Variants in KIF27 observed in about 807,000 individuals in gnomAD.
KIF27 encodes kinesin-like protein KIF27.
A neutral mutation model predicts 141.8 loss-of-function variants in KIF27; 84 were observed. That is an observed-to-expected ratio of 0.59 (90% CI 0.50 to 0.71). The LOEUF is 0.71. Ranked by LOEUF, KIF27 falls within the 30% of genes least tolerant of loss-of-function variation. The pLI is 0.00. For synonymous variants in KIF27, 471 were observed against 569.5 expected, an observed-to-expected ratio of 0.83 and a Z score of 2.46; for missense variants, 1,306 against 1,628.4, an observed-to-expected ratio of 0.80 and a Z score of 3.41.
At chr9:83,893,716 G>A (rs955169464) in intron 5 of KIF27, among the ~76,000 whole-genome samples, 1 of 151,884 alleles carries the variant, frequency 6.6e-6, no homozygotes, top group African/African-American at 2.4e-5. Flanking sequence ...ATAGCAGGAG[G>A]TTACCCCAAA....
chr9:83,908,758 CTTTTT>C, intron 2 of KIF27, 106 bp from the exon 3 acceptor site: 1 of 461,608 alleles, frequency 2.2e-6, no homozygotes, highest in Non-Finnish European at 3.5e-6. Flanking sequence ...TATATTATAA[CTTTTT>C]TTTTTTTTGG....
In KIF27 at chr9:83,875,137, G is replaced by T. The variant is rs569777118; in HGVS notation, c.2644-4505C>A. 2.0e-5 allele frequency among the ~76,000 whole-genome samples: 3 copies of T among 152,174 alleles called. No homozygotes were observed. In the East Asian group the frequency reaches 5.8e-4, roughly 29 times the overall value. ...GTTAAAACCCAAAGACCACAACACT[G>T]AACAGCCTGGCCTGATCTTCACATT... is the stretch of plus-strand genomic sequence containing the variant. On this transcript the variant is annotated intron_variant, in intron 11 of 17. Transcript: ENST00000297814.
chr9:83,854,030 AACAC>A (rs927437536), intron 14 of KIF27, among the ~76,000 whole-genome samples, 195 bp from the exon 15 acceptor site: 5 of 152,274 alleles, frequency 3.3e-5, no homozygotes, highest in African/African-American at 7.2e-5. Flanking sequence ...CACACACATA[AACAC>A]ACACACACAA....
intron 1 of KIF27, among the ~76,000 whole-genome samples, chr9:83,917,827 A>G (rs1401968555): frequency 6.6e-6 from 1 of 152,218 alleles, no homozygotes; most frequent in East Asian, 1.9e-4. Flanking sequence ...AAACATAAGA[A>G]GTAAAACTAC....
chr9:83,920,872 C>T (rs1052209428), intron 1 of KIF27, among the ~76,000 whole-genome samples: 2 of 151,036 alleles, frequency 1.3e-5, no homozygotes, highest in Non-Finnish European at 3.0e-5. Context: ...GTGGGAAATG[C>T]GCCCAAGTTT....
intron 4 of KIF27, among the ~76,000 whole-genome samples, chr9:83,900,948 G>A (rs2132531773): frequency 6.6e-6 from 1 of 151,636 alleles, no homozygotes; most frequent in South Asian, 2.1e-4. Flanking sequence ...CTGTTTTTAT[G>A]CTATTATTTA....
chr9:83,907,854 C>G (rs998898352), intron 3 of KIF27, among the ~76,000 whole-genome samples: 1 of 152,212 alleles, frequency 6.6e-6, no homozygotes, highest in Non-Finnish European at 1.5e-5. Context: ...ATATCACAGT[C>G]TCATCTGAAG....
chr9:83,903,357 C>T lies in KIF27; in HGVS notation c.1161G>A (p.Gly387=), dbSNP rs748622441. The T allele has an allele frequency of 2.5e-6, 4 of 1,614,136 alleles. No individual in the cohort carries two copies. The highest frequency in any genetic ancestry group is 3.4e-6 in the Non-Finnish European group (4 of 1,180,018). The part of the protein sequence containing the change: ...VSQTTQINRE[G]SPDTNRIHSL... The stretch of plus-strand genomic sequence containing the variant: ...AATGAATCCTATTTGTATCAGGACT[C>T]CCTTCTCGATTGATCTGGGTAGTTT... The change falls in exon 4 of 18, where the codon GGG becomes GGA. Residue 387 remains glycine, a synonymous_variant. Coordinates refer to ENST00000297814, the MANE Select transcript of KIF27 (RefSeq NM_017576.4).
Position 83,899,668 on chromosome 9 carries a change from C to T in KIF27, c.1595G>A (p.Arg532Lys), listed in dbSNP as rs147660786. 4.8e-5 allele frequency: 78 copies of T among 1,613,182 alleles called. No individual in the cohort carries two copies. The highest frequency in any genetic ancestry group is 6.4e-5 in the Non-Finnish European group (75 of 1,179,466). ...VSLKEAQKVN[R>K]LQNEKIIEQQ... Reference sequence around the variant, plus strand: ...GATGCATTAAGAAACTACCTGCAGTCTATTCACTTTTTGCGCTTCTTTCAA... The same window carrying T: ...GATGCATTAAGAAACTACCTGCAGTTTATTCACTTTTTGCGCTTCTTTCAA... Residue 532 changes from arginine (R) to lysine (K), a missense_variant, in exon 5 of 18, where the codon AGA (arginine) becomes AAA (lysine). Around this residue, in one of 4 missense-constraint regions of KIF27, gnomAD observed 596 missense variants for 751.6 expected, o/e 0.79. Coordinates refer to ENST00000297814, the MANE Select transcript of KIF27 (RefSeq NM_017576.4).
chr9:83,850,884 C>G (rs1347529228), intron 15 of KIF27, among the ~76,000 whole-genome samples: 3 of 109,068 alleles, frequency 2.8e-5, no homozygotes, highest in Non-Finnish European at 5.0e-5. Flanking sequence ...GTCATCCAAG[C>G]TGGAGTGCAG....
intron 15 of KIF27, among the ~76,000 whole-genome samples, chr9:83,851,926 G>T (rs1587978033): frequency 6.6e-6 from 1 of 151,622 alleles, no homozygotes; most frequent in South Asian, 2.1e-4. Flanking sequence ...TCAGGAGTTT[G>T]AGACCAGCCT....
intron 16 of KIF27, chr9:83,849,584 G>T (rs2780143): frequency 1.9e-4 from 30 of 155,394 alleles, no homozygotes; most frequent in African/African-American, 2.9e-4. Context: ...TACTGCTCAC[G>T]GATAATGGTA....
Position 83,921,398 on chromosome 9 carries a change from G to C in KIF27, c.-115C>G, listed in dbSNP as rs965679102. The C allele has an allele frequency of 6.6e-6, 1 of 151,674 alleles. No individual in the cohort carries two copies. The highest frequency in any genetic ancestry group is 1.5e-5 in the Non-Finnish European group (1 of 67,988). 9.4% of individuals were successfully genotyped at this position (151,674 alleles called of 1,614,324 possible). On this transcript the variant is annotated 5_prime_UTR_variant, in exon 1 of 18. Coordinates refer to ENST00000297814, the MANE Select transcript of KIF27 (RefSeq NM_017576.4). ...GCTCGGGACAGCCCAGGCCCCTGTC[G>C]GCGAGCGCTGGACTCCTCAGCTTCG... is the stretch of plus-strand genomic sequence containing the variant.
chr9:83,881,220 T>G (rs1271571387), intron 10 of KIF27, among the ~76,000 whole-genome samples: 2 of 152,110 alleles, frequency 1.3e-5, no homozygotes, highest in Non-Finnish European at 2.9e-5. Flanking sequence ...CATTAGACTT[T>G]CAAAGTGTTC....
At chr9:83,875,553 A>G (rs1951146947) in intron 11 of KIF27, among the ~76,000 whole-genome samples, 1 of 152,200 alleles carries the variant, frequency 6.6e-6, no homozygotes, top group Admixed American at 6.5e-5. Context: ...CTCACCTAGG[A>G]TGGAGTATAG....
At position 83,915,504 on chromosome 9, in the gene KIF27, C is replaced by A; in HGVS notation, c.88G>T (p.Val30Phe). 1 of 1,613,882 alleles carries A rather than the reference C, an allele frequency of 6.2e-7. No individual in the cohort carries two copies. Among genetic ancestry groups the A allele is most frequent in the Non-Finnish European group, 8.5e-7 (1 of 1,179,836 alleles). ...ATAACTTGCTGGCTGTTTGGAATAA[C>A]TCTCACACAAACTTGATGATTATGA... ...ALHNHQVCVRVIPNSQQVIIG... is the reference protein window; with the variant it reads ...ALHNHQVCVRFIPNSQQVIIG... The change falls in exon 2 of 18, where the codon GTT becomes TTT. Residue 30 changes from valine (V) to phenylalanine (F), a missense_variant. Val to Phe is a conservative substitution (Grantham distance 50, BLOSUM62 -1). Coordinates refer to ENST00000297814, the MANE Select transcript of KIF27 (RefSeq NM_017576.4).
chr9:83,899,805 C>T lies in KIF27; in HGVS notation c.1459-1G>A, dbSNP rs1476003642. 1 of 1,604,422 alleles carries T rather than the reference C, an allele frequency of 6.2e-7. No individual in the cohort carries two copies. The highest frequency in any genetic ancestry group is 1.3e-5 in the African/African-American group (1 of 74,906). On this transcript the variant is annotated splice_acceptor_variant, in intron 4 of 17. Coordinates refer to ENST00000297814, the MANE Select transcript of KIF27 (RefSeq NM_017576.4). LOFTEE classifies it high-confidence loss of function. ...CTACTTCATCAGCAGCAAGCACACA[C>T]TAGTGGGGAAAGAAAGCACAAGTGA...
At chr9:83,839,585 T>G (rs1326333827) in intron 17 of KIF27, among the ~76,000 whole-genome samples, 1 of 152,242 alleles carries the variant, frequency 6.6e-6, no homozygotes, top group African/African-American at 2.4e-5. Context: ...AGTCAAAAGA[T>G]GAATTTTTCT....
chr9:83,906,676 T>G (rs1176748214), intron 3 of KIF27, among the ~76,000 whole-genome samples: 1 of 148,496 alleles, frequency 6.7e-6, no homozygotes. Context: ...TCATGAGGTT[T>G]AGGCTGCAGT....
Sources: allele counts gnomAD v4.1 joint callset (sites outside exome capture counted in the v4.1 genomes callset), GRCh38; gene constraint gnomAD v4.1.1; regional missense constraint gnomAD v4.1.1; transcripts MANE v1.5; gene names NCBI Gene and HGNC (gene_info 2026-07-23, HGNC 2026-07-21).